RSPO2: variants seen among roughly 807,000 people sequenced by gnomAD.
RSPO2 encodes R-spondin 2.
A neutral mutation model predicts 30.9 loss-of-function variants in RSPO2; 14 were observed. The observed-to-expected ratio is 0.45, with a 90% CI of 0.30 to 0.71. The LOEUF (loss-of-function observed/expected upper bound fraction) is 0.71, where lower values mean the gene tolerates loss of function less well. RSPO2 is among the 30% of genes least tolerant of loss of function. The pLI is 0.08. For missense variants in RSPO2, 264 were observed against 301.9 expected, an observed-to-expected ratio of 0.87 and a Z score of 0.93; for synonymous variants, 107 against 96.4, an observed-to-expected ratio of 1.11 and a Z score of -0.64.
At chr8:107,990,980 C>T (rs1814825495) in intron 2 of RSPO2, among the ~76,000 whole-genome samples, 1 of 152,144 alleles carries the variant, frequency 6.6e-6, no homozygotes, top group Admixed American at 6.5e-5. Flanking sequence ...CCTGTAATCC[C>T]AGCACTTTGG....
intron 2 of RSPO2, among the ~76,000 whole-genome samples, chr8:108,019,487 G>A (rs1019981825): frequency 4.6e-5 from 7 of 152,226 alleles, no homozygotes; most frequent in South Asian, 2.1e-4. Context: ...CAAGGTAGGC[G>A]TTCCACTTTG....
At chr8:107,930,057 T>C (rs1812505232) in intron 5 of RSPO2, among the ~76,000 whole-genome samples, 1 of 152,224 alleles carries the variant, frequency 6.6e-6, no homozygotes, top group Non-Finnish European at 1.5e-5. Context: ...CTATATTCCT[T>C]AGTGGACTGA....
chr8:107,966,664 CA>C (rs1270525961), intron 3 of RSPO2, among the ~76,000 whole-genome samples: 1 of 152,214 alleles, frequency 6.6e-6, no homozygotes. Context: ...ACAGTGCTTT[CA>C]GGGCACTTGG....
intron 2 of RSPO2, among the ~76,000 whole-genome samples, chr8:107,994,268 C>G (rs1393802379): frequency 6.6e-6 from 1 of 152,046 alleles, no homozygotes; most frequent in Non-Finnish European, 1.5e-5. Context: ...AATTATATCT[C>G]ATTAGAAAAA....
chr8:107,993,370 T>C (rs1301587643), intron 2 of RSPO2, among the ~76,000 whole-genome samples: 2 of 152,186 alleles, frequency 1.3e-5, no homozygotes, highest in Admixed American at 1.3e-4. Flanking sequence ...ATTCAAACTA[T>C]TTGAGTTTTA....
At chr8:107,924,776 C>CA (rs1812299921) in intron 5 of RSPO2, among the ~76,000 whole-genome samples, 1 of 151,148 alleles carries the variant, frequency 6.6e-6, no homozygotes, top group Admixed American at 6.6e-5. Context: ...TCTGGTTTTC[C>CA]AAAAAGGAAA....
At chr8:107,945,442 G>C in intron 5 of RSPO2, among the ~76,000 whole-genome samples, 1 of 151,618 alleles carries the variant, frequency 6.6e-6, no homozygotes, top group African/African-American at 2.4e-5. Flanking sequence ...TAGAGACGGG[G>C]TTTCACCATG....
At chr8:108,048,376 A>G (rs562372425) in intron 2 of RSPO2, among the ~76,000 whole-genome samples, 10 of 151,802 alleles carry the variant, frequency 6.6e-5, no homozygotes, top group African/African-American at 2.2e-4. Flanking sequence ...CTGCAACTAG[A>G]TAGAACAAAG....
chr8:107,930,189 G>A (rs964086996), intron 5 of RSPO2, among the ~76,000 whole-genome samples: 4 of 152,132 alleles, frequency 2.6e-5, no homozygotes, highest in African/African-American at 9.7e-5. Flanking sequence ...TTTTACAAAT[G>A]AGGAAACTTT....
At chr8:107,953,379 G>T (rs1210997748) in intron 5 of RSPO2, among the ~76,000 whole-genome samples, 1 of 152,172 alleles carries the variant, frequency 6.6e-6, no homozygotes, top group Non-Finnish European at 1.5e-5. Context: ...GGAGAGTAGG[G>T]CCTTCACAGG....
chr8:107,981,888 G>C (rs1020783517), intron 3 of RSPO2, among the ~76,000 whole-genome samples: 1 of 151,406 alleles, frequency 6.6e-6, no homozygotes, highest in Non-Finnish European at 1.5e-5. Context: ...TAAAAAATTA[G>C]CTGGCTATAG....
chr8:107,986,198 G>C (rs1814624614), intron 3 of RSPO2, among the ~76,000 whole-genome samples: 1 of 152,070 alleles, frequency 6.6e-6, no homozygotes, highest in Non-Finnish European at 1.5e-5. Context: ...ATGCAAACTA[G>C]TCATGAAAAA....
intron 2 of RSPO2, among the ~76,000 whole-genome samples, chr8:108,039,953 A>G (rs1320190080): frequency 6.6e-6 from 1 of 152,126 alleles, no homozygotes; most frequent in Non-Finnish European, 1.5e-5. Flanking sequence ...TTGGCAGTCT[A>G]CAAACCAAGA....
At chr8:108,044,959 C>G (rs1045044677) in intron 2 of RSPO2, among the ~76,000 whole-genome samples, 2 of 152,096 alleles carry the variant, frequency 1.3e-5, no homozygotes, top group African/African-American at 4.8e-5. Flanking sequence ...AATGTAAGAC[C>G]TTAAACTGTA....
intron 5 of RSPO2, among the ~76,000 whole-genome samples, chr8:107,950,559 G>A (rs2130406293): frequency 6.6e-6 from 1 of 151,352 alleles, no homozygotes; most frequent in East Asian, 1.9e-4. Context: ...TTGAGTAATG[G>A]GCAGGATATA....
In RSPO2 at chr8:107,968,290, A is replaced by C. The variant is rs1813880535; in HGVS notation, c.284-7473T>G. On this transcript the variant is annotated intron_variant, in intron 3 of 5. Coordinates refer to ENST00000276659, the MANE Select transcript of RSPO2 (RefSeq NM_178565.5). ...TATAAAACTAGAATGAAATCCTGTCATTTCCAGTGCATGGATGGAACTGGG... is the reference window on the plus strand; with the variant it reads ...TATAAAACTAGAATGAAATCCTGTCCTTTCCAGTGCATGGATGGAACTGGG... 2.6e-5 allele frequency among the ~76,000 whole-genome samples: 4 copies of C among 152,146 alleles called. No homozygotes were observed. The South Asian group carries it at 8.3e-4, about 32-fold the overall frequency.
intron 2 of RSPO2, among the ~76,000 whole-genome samples, chr8:108,006,176 T>C (rs983431989): frequency 2.0e-5 from 3 of 152,094 alleles, no homozygotes; most frequent in African/African-American, 7.2e-5. Flanking sequence ...ATTTACAAAA[T>C]AAGAACATCT....
intron 2 of RSPO2, among the ~76,000 whole-genome samples, chr8:108,074,643 A>C (rs1457390476): frequency 6.6e-6 from 1 of 152,210 alleles, no homozygotes; most frequent in African/African-American, 2.4e-5. Context: ...GGGATCAATA[A>C]GGGTCTGTGG....
At chr8:107,990,701 TA>T (rs1814815530) in intron 2 of RSPO2, among the ~76,000 whole-genome samples, 1 of 152,166 alleles carries the variant, frequency 6.6e-6, no homozygotes, top group Non-Finnish European at 1.5e-5. Flanking sequence ...TGGAAAAAAC[TA>T]TGTTAAAATT....
Sources: gnomAD v4.1 joint callset for allele counts (sites outside exome capture counted in the v4.1 genomes callset) on GRCh38, gnomAD v4.1.1 for gene constraint, MANE v1.5 for transcripts, NCBI Gene and HGNC (gene_info 2026-07-23, HGNC 2026-07-21) for gene names.